CTSF: variants seen among roughly 807,000 people sequenced by gnomAD.
CTSF encodes the protein cathepsin F.
In CTSF, 65 loss-of-function variants were observed where a neutral mutation model predicts 63.5. The ratio of observed to expected loss-of-function variants is 1.02; its 90% CI spans 0.84 to 1.26. CTSF has a LOEUF of 1.26. Ranked by LOEUF, CTSF falls within the 50% of genes most tolerant of loss-of-function variation. CTSF has a pLI of 0.00. For synonymous variants in CTSF, 256 were observed against 258.1 expected (o/e 0.99, Z 0.08); for missense variants, 641 against 631.0 (o/e 1.02, Z -0.17).
Position 66,566,335 on chromosome 11 carries a change from C to T in CTSF, c.677G>A (p.Arg226His), listed in dbSNP as rs747683963. 43 of 1,614,020 alleles carry T rather than the reference C, an allele frequency of 2.7e-5. No homozygotes were observed. The South Asian group carries it at 3.4e-4, about 13-fold the overall frequency. ...VRAQKIQALD[R>H]GTAQYGVTKF... ...GGTGACTCCATACTGAGCTGTGCCA[C>T]GGTCCAGGGCCTGGATCTTCTGTGC... The change falls in exon 5 of 13, where the codon CGT becomes CAT. Residue 226 changes from arginine (R) to histidine (H), a missense_variant. By Grantham distance (29) the Arg-to-His change is conservative (BLOSUM62 0). Transcript: ENST00000310325.
At position 66,567,669 on chromosome 11, in the gene CTSF, G is replaced by A. The variant is rs983431643; in HGVS notation, c.313-7C>T. The A allele has an allele frequency of 1.2e-6, 2 of 1,611,576 alleles. No homozygotes were observed. Among genetic ancestry groups the A allele is most frequent in the Non-Finnish European group, 1.7e-6 (2 of 1,178,754 alleles). On this transcript the variant is annotated splice_polypyrimidine_tract_variant and splice_region_variant and intron_variant, in intron 2 of 12. Transcript: ENST00000310325. ...GGACTTGGAAGCTGCAGAGCTGGAGGGAGAGGAAGAAGCTGCTCTGGGGGC... is the reference window on the plus strand; with the variant it reads ...GGACTTGGAAGCTGCAGAGCTGGAGAGAGAGGAAGAAGCTGCTCTGGGGGC...
At chr11:66,565,966 C>T in intron 6 of CTSF, 39 bp from the exon 7 acceptor site, 1 of 1,614,100 alleles carries the variant, frequency 6.2e-7, no homozygotes, top group South Asian at 1.1e-5. Context: ...GAGCCGGGCC[C>T]CTTCGTCAGC....
chr11:66,567,881 C>A, intron 2 of CTSF, 103 bp downstream of exon 2: 2 of 1,450,420 alleles, frequency 1.4e-6, no homozygotes, highest in Non-Finnish European at 1.9e-6. Flanking sequence ...CAAGGTGGGG[C>A]AGCAGCTACC....
At chr11:66,566,929 T>C (rs1394404518) in intron 4 of CTSF, among the ~76,000 whole-genome samples, 2 of 152,020 alleles carry the variant, frequency 1.3e-5, no homozygotes, top group East Asian at 1.9e-4. Flanking sequence ...GGTTTCACCA[T>C]GTTGGCCAGG....
Position 66,567,450 on chromosome 11 carries a change from C to CA in CTSF, c.524dup (p.Ser176ValfsTer20), listed in dbSNP as rs781286634. The stretch of plus-strand genomic sequence containing the variant: ...CAAGCTGAGGGCTCCTCACCTGGGA[C>CA]AGGGGATCCTCATTCAACAGGGAAA... On this transcript the variant is annotated frameshift_variant, in exon 3 of 13. Transcript: ENST00000310325. LOFTEE classifies it high-confidence loss of function. 1.2e-6 allele frequency: 2 copies of CA among 1,613,880 alleles called. No individual in the cohort carries two copies. The highest frequency in any genetic ancestry group is 2.2e-5 in the South Asian group (2 of 90,946).
chr11:66,565,606 T>G (rs1310195843), intron 8 of CTSF, 65 bp downstream of exon 8: 1 of 1,597,888 alleles, frequency 6.3e-7, no homozygotes, highest in South Asian at 1.1e-5. Context: ...CCCCCCATTA[T>G]GAAGTAACTT....
In CTSF at chr11:66,566,172, G is replaced by A. The variant is rs78871927; in HGVS notation, c.722-5C>T. 124,578 of 1,613,818 alleles carry A rather than the reference G, an allele frequency of 0.077. 6,046 individuals carry two copies. Among genetic ancestry groups the A allele is most frequent in the East Asian group, 0.11 (4,830 of 44,864 alleles). ...AGATAGTGCGGAACTCCTCCTCTGC[G>A]GGCAAAGGTGGGCAGGGCATGGGGA... On this transcript the variant is annotated splice_polypyrimidine_tract_variant and splice_region_variant and intron_variant, in intron 5 of 12. Coordinates refer to ENST00000310325, the MANE Select transcript of CTSF (RefSeq NM_003793.4).
intron 11 of CTSF, 25 bp from the exon 12 acceptor site, chr11:66,564,171 G>T: frequency 6.2e-7 from 1 of 1,601,996 alleles, no homozygotes; most frequent in Non-Finnish European, 8.5e-7. Flanking sequence ...AGAGCGCAAG[G>T]ATCAGGGTCC....
chr11:66,568,093 G>A lies in CTSF; in HGVS notation c.214-11C>T, dbSNP rs757190081. 10 of 1,604,946 alleles carry A rather than the reference G, an allele frequency of 6.2e-6. No homozygotes were observed. The highest frequency in any genetic ancestry group is 8.5e-6 in the Non-Finnish European group (10 of 1,177,024). ...CGACCCCTGACCCGCCTGGAGAGAGGAGTAGGTGAGGCGGGCACAGTCGGC... is the reference window on the plus strand; with the variant it reads ...CGACCCCTGACCCGCCTGGAGAGAGAAGTAGGTGAGGCGGGCACAGTCGGC... On this transcript the variant is annotated splice_polypyrimidine_tract_variant and intron_variant, in intron 1 of 12. Coordinates refer to ENST00000310325, the MANE Select transcript of CTSF (RefSeq NM_003793.4).
intron 4 of CTSF, among the ~76,000 whole-genome samples, chr11:66,566,727 CTT>C (rs1158663636): frequency 1.5e-4 from 22 of 143,398 alleles, no homozygotes; most frequent in Admixed American, 2.8e-4. Flanking sequence ...TGCAGAGCTT[CTT>C]TTTTTTTTTT....
At chr11:66,566,511 G>C in intron 4 of CTSF, 107 bp from the exon 5 acceptor site, 1 of 979,254 alleles carries the variant, frequency 1.0e-6, no homozygotes, top group Non-Finnish European at 1.5e-6. Flanking sequence ...GTAGGGGTGG[G>C]GGCCAGACAT....
Position 66,566,244 on chromosome 11 carries a change from G to A in CTSF, c.721+47C>T, listed in dbSNP as rs769707236. 1.8e-5 allele frequency: 29 copies of A among 1,613,846 alleles called. No homozygotes were observed. In the East Asian group the frequency reaches 4.5e-4, roughly 25 times the overall value. On this transcript the variant is annotated intron_variant, in intron 5 of 12. Transcript: ENST00000310325. ...CCTGACCAGAGGCCTTGCGAGCAAG[G>A]TCCTGTCTCTTCCTGGATCCATGAG...
Position 66,568,351 on chromosome 11 carries a change from C to G in CTSF, c.136G>C (p.Ala46Pro), listed in dbSNP as rs1295522732. The change falls in exon 1 of 13, where the codon GCG becomes CCG. Residue 46 changes from alanine (A) to proline (P), a missense_variant. Ala to Pro is a conservative substitution (Grantham distance 27, BLOSUM62 -1). Coordinates refer to ENST00000310325, the MANE Select transcript of CTSF (RefSeq NM_003793.4). ...SPELLAPTRF[A>P]LEMFNRGRAA... Reference sequence around the variant, plus strand: ...CGGCCGCGGTTGAACATCTCCAGCGCGAAGCGGGTGGGCGCCAGCAGCTCC... The same window carrying G: ...CGGCCGCGGTTGAACATCTCCAGCGGGAAGCGGGTGGGCGCCAGCAGCTCC... The G allele has an allele frequency of 3.1e-6, 4 of 1,307,146 alleles. No homozygotes were observed. Among genetic ancestry groups the G allele is most frequent in the Non-Finnish European group, 2.9e-6 (3 of 1,037,026 alleles). 81.0% of individuals were successfully genotyped at this position (1,307,146 alleles called of 1,614,324 possible).
chr11:66,565,107 C>A, intron 8 of CTSF, 101 bp from the exon 9 acceptor site: 1 of 1,486,580 alleles, frequency 6.7e-7, no homozygotes, highest in South Asian at 1.4e-5. Flanking sequence ...CATTCCTCGT[C>A]CACCCCAGGC....
At chr11:66,564,864 A>C in intron 9 of CTSF, 23 bp downstream of exon 9, 10 of 1,613,826 alleles carry the variant, frequency 6.2e-6, no homozygotes, top group Non-Finnish European at 8.5e-6. Flanking sequence ...ACCTGACCTC[A>C]CCTCACCCTG....
At position 66,566,121 on chromosome 11, in the gene CTSF, C is replaced by T; in HGVS notation, c.768G>A (p.Glu256=). 6.2e-7 allele frequency: 1 copy of T among 1,614,160 alleles called. No homozygotes were observed. The highest frequency in any genetic ancestry group is 8.5e-7 in the Non-Finnish European group (1 of 1,180,022). The change falls in exon 6 of 13, where the codon GAG becomes GAA. Residue 256 remains glutamate (E), a synonymous_variant. Transcript: ENST00000310325. The part of the protein sequence containing the change: ...TIYLNTLLRK[E]PGNKMKQAKS... ...TGGCTTGCTTCATCTTGTTGCCAGG[C>T]TCTTTCCTCAGGAGAGTATTCAGGT...
Position 66,564,735 on chromosome 11 carries a change from G to T in CTSF, c.1230+7C>A, listed in dbSNP as rs961878630. 6.2e-7 allele frequency: 1 copy of T among 1,613,996 alleles called. No individual in the cohort carries two copies. The highest frequency in any genetic ancestry group is 8.5e-7 in the Non-Finnish European group (1 of 1,179,984). On this transcript the variant is annotated splice_region_variant and intron_variant, in intron 10 of 12. Coordinates refer to ENST00000310325, the MANE Select transcript of CTSF (RefSeq NM_003793.4). ...ATGGGGCAGGGGCAGTGGGGCTAGG[G>T]CCTCACCTGCATGCCAAAGGCATTG... is the stretch of plus-strand genomic sequence containing the variant.
At position 66,565,856 on chromosome 11, in the gene CTSF, C is replaced by G. The variant is rs114727660; in HGVS notation, c.939G>C (p.Gly313=). ...NVEGQWFLNQ[G]TLLSLSEQEL... Reference sequence around the variant, plus strand: ...CCTGTTCAGAGAGGGAGAGCAGGGTCCCCTGGTTGAGAAACCACTGGCCCT... The same window carrying G: ...CCTGTTCAGAGAGGGAGAGCAGGGTGCCCTGGTTGAGAAACCACTGGCCCT... The change falls in exon 7 of 13, where the codon GGG becomes GGC. Residue 313 remains glycine, a synonymous_variant. Coordinates refer to ENST00000310325, the MANE Select transcript of CTSF (RefSeq NM_003793.4). The G allele has an allele frequency of 6.2e-7, 1 of 1,613,980 alleles. No homozygotes were observed. Among genetic ancestry groups the G allele is most frequent in the Admixed American group, 1.7e-5 (1 of 60,028 alleles).
rs1857863769 is a variant in CTSF at position 66,563,900 on chromosome 11, A to C, written c.*33T>G. On this transcript the variant is annotated 3_prime_UTR_variant, in exon 13 of 13. Coordinates refer to ENST00000310325, the MANE Select transcript of CTSF (RefSeq NM_003793.4). ...TCAGGCTGGGGCAGCAGCCACTCTG[A>C]TCAGCACCAGGTCCCGAGCTGGGGG... is the stretch of plus-strand genomic sequence containing the variant. The C allele has an allele frequency of 6.2e-7, 1 of 1,610,836 alleles. No individual in the cohort carries two copies. Among genetic ancestry groups the C allele is most frequent in the African/African-American group, 1.3e-5 (1 of 74,860 alleles).
Sources: allele counts gnomAD v4.1 joint callset (sites outside exome capture counted in the v4.1 genomes callset), GRCh38; gene constraint gnomAD v4.1.1; transcripts MANE v1.5; gene names NCBI Gene and HGNC (gene_info 2026-07-23, HGNC 2026-07-21).